Variants in SORL1 observed in about 807,000 individuals in gnomAD.
SORL1 encodes sortilin related receptor 1, also known as sortilin-related receptor.
In SORL1, 127 loss-of-function variants were observed where a neutral mutation model predicts 273.7. The observed-to-expected ratio is 0.46, with a 90% CI of 0.40 to 0.54. SORL1 has a LOEUF of 0.54. Ranked by LOEUF, SORL1 falls within the 20% of genes least tolerant of loss-of-function variation. SORL1 has a pLI of 0.00. For missense variants in SORL1, 2,494 were observed against 2,846.1 expected (o/e 0.88, Z 2.81); for synonymous variants, 1,031 against 1,067.4 (o/e 0.97, Z 0.66).
intron 41 of SORL1, among the ~76,000 whole-genome samples, chr11:121,617,523 G>A (rs1010383333): frequency 1.3e-5 from 2 of 150,802 alleles, no homozygotes; most frequent in Non-Finnish European, 2.9e-5. Flanking sequence ...CCTCACAGCT[G>A]CTGAGCAGTG....
chr11:121,576,605 A>G (rs943735085), intron 24 of SORL1, among the ~76,000 whole-genome samples: 4 of 152,234 alleles, frequency 2.6e-5, no homozygotes, highest in African/African-American at 9.6e-5. Flanking sequence ...AGCTCAGCCT[A>G]TAGCATTCTG....
At position 121,547,049 on chromosome 11, in the gene SORL1, T is replaced by C. The variant is rs186576657; in HGVS notation, c.2051+1620T>C. 2.0e-5 allele frequency: 3 copies of C among 152,320 alleles called. No individual in the cohort carries two copies. The East Asian group carries it at 5.8e-4, about 29-fold the overall frequency. The allele number at this position is 152,320 out of a possible 1,614,324, so 9.4% of individuals were successfully genotyped here. A position where few individuals can be genotyped will look rare whatever the true frequency, so the allele number is the denominator to read the frequency against. ...TCCCAAGGTAACGACACAGACTCTT[T>C]AACAGCAAAAGCACAGGGCTGGCTG... On this transcript the variant is annotated intron_variant, in intron 14 of 47. Transcript: ENST00000260197.
chr11:121,562,352 T>G (rs1030531703), intron 21 of SORL1, among the ~76,000 whole-genome samples: 4 of 152,272 alleles, frequency 2.6e-5, no homozygotes, highest in Non-Finnish European at 5.9e-5. Flanking sequence ...AGTAGTCTCC[T>G]GCTTATTTGC....
rs11826812 is a variant in SORL1, at chr11:121,542,508, A to G, written c.1686-1040A>G. Among the ~76,000 whole-genome samples the G allele has an allele frequency of 8.1e-3, 1,224 of 151,968 alleles. 14 individuals carry two copies. The highest frequency in any genetic ancestry group is 0.028 in the African/African-American group (1,170 of 41,432). On this transcript the variant is annotated intron_variant, in intron 12 of 47. Transcript: ENST00000260197. The stretch of plus-strand genomic sequence containing the variant: ...GAGCAGTTATCGTGTAGAATATCCC[A>G]CATTTTGGATTTGTCCAATTGTATA...
At chr11:121,463,875 G>A (rs1861040856) in intron 1 of SORL1, among the ~76,000 whole-genome samples, 1 of 152,202 alleles carries the variant, frequency 6.6e-6, no homozygotes, top group Non-Finnish European at 1.5e-5. Context: ...GGGACAGTGA[G>A]AGGCAATTTG....
intron 38 of SORL1, 49 bp downstream of exon 38, chr11:121,608,225 CT>C (rs1863507949): frequency 2.1e-6 from 3 of 1,444,756 alleles, no homozygotes; most frequent in African/African-American, 1.4e-5. Flanking sequence ...TATACAAACC[CT>C]TTCAAATGAC....
At chr11:121,545,452 G>A (rs1862411787) in intron 14 of SORL1, 23 bp downstream of exon 14, 2 of 1,611,170 alleles carry the variant, frequency 1.2e-6, no homozygotes, top group Non-Finnish European at 1.7e-6. Context: ...TTGATGGCTG[G>A]GGACTGAGTT....
At chr11:121,609,981 T>C (rs933487712) in intron 38 of SORL1, 1 of 152,230 alleles carries the variant, frequency 6.6e-6, no homozygotes. Flanking sequence ...GCACTCGCAC[T>C]GTTTTGCTCT....
rs1025596782 is a variant in SORL1, at chr11:121,596,583, G to A, written c.4519+811G>A. ...GACGGTTGGGTGCTGCTCTGGCTCG[G>A]GGATCCCTGCTTTGCGGGCCTCCCC... On this transcript the variant is annotated intron_variant, in intron 32 of 47. Coordinates refer to ENST00000260197, the MANE Select transcript of SORL1 (RefSeq NM_003105.6). The surrounding 1 kb of genome is among the most constrained non-coding windows in gnomAD (Gnocchi z 4.3). Among the ~76,000 whole-genome samples the A allele has an allele frequency of 7.2e-5, 11 of 152,162 alleles. No homozygotes were observed. Among genetic ancestry groups the A allele is most frequent in the African/African-American group, 2.2e-4 (9 of 41,430 alleles).
At chr11:121,463,994 G>C (rs1861043420) in intron 1 of SORL1, among the ~76,000 whole-genome samples, 1 of 152,198 alleles carries the variant, frequency 6.6e-6, no homozygotes, top group Admixed American at 6.5e-5. Flanking sequence ...TAGTTCAGGG[G>C]AGTGCCTGGC....
At chr11:121,610,839 A>C (rs1591352564) in intron 38 of SORL1, 1 of 412,590 alleles carries the variant, frequency 2.4e-6, no homozygotes, top group African/African-American at 2.1e-5. Flanking sequence ...TGCCTGACCT[A>C]ATTGCCAGGA....
chr11:121,497,186 A>G, intron 6 of SORL1, 137 bp downstream of exon 6: 1 of 714,458 alleles, frequency 1.4e-6, no homozygotes, highest in Non-Finnish European at 2.3e-6. Context: ...AAGGGATCTC[A>G]ACATTGACAA....
At chr11:121,489,959 T>G in intron 4 of SORL1, 84 bp from the exon 5 acceptor site, 1 of 973,332 alleles carries the variant, frequency 1.0e-6, no homozygotes, top group South Asian at 1.3e-5. Context: ...TCATGGAAGG[T>G]GGGATTTCAG....
rs777235095 is a variant in SORL1 at position 121,507,637 on chromosome 11, A to G, written c.940-5366A>G. ...TTTTAAAAAATATTTCTATTTCTTT[A>G]TTGATATTCTCTATTTGATGAGGCA... On this transcript the variant is annotated intron_variant, in intron 6 of 47. Coordinates refer to ENST00000260197, the MANE Select transcript of SORL1 (RefSeq NM_003105.6). Among the ~76,000 whole-genome samples the G allele has an allele frequency of 2.6e-5, 4 of 152,022 alleles. No individual in the cohort carries two copies. In the South Asian group the frequency reaches 8.3e-4, roughly 32 times the overall value.
intron 25 of SORL1, among the ~76,000 whole-genome samples, chr11:121,577,744 T>A (rs1343718393): frequency 6.6e-6 from 1 of 152,218 alleles, no homozygotes; most frequent in Admixed American, 6.5e-5. Context: ...CTAGCTCATG[T>A]TTTTTAAAAT....
At chr11:121,609,661 A>G (rs1195113026) in intron 38 of SORL1, 1 of 152,242 alleles carries the variant, frequency 6.6e-6, no homozygotes, top group Non-Finnish European at 1.5e-5. Flanking sequence ...AATATCTGTG[A>G]CATAGTATCA....
chr11:121,520,032 C>G (rs556025210), intron 8 of SORL1, among the ~76,000 whole-genome samples: 1 of 152,286 alleles, frequency 6.6e-6, no homozygotes, highest in East Asian at 1.9e-4. Flanking sequence ...AGGTGCATCA[C>G]TTGAGCTGAG....
rs778336021 is a variant in SORL1 at position 121,604,295 on chromosome 11, C to T, written c.4622C>T (p.Ser1541Leu). 36 of 1,612,006 alleles carry T rather than the reference C, an allele frequency of 2.2e-5. No individual in the cohort carries two copies. The highest frequency in any genetic ancestry group is 6.7e-5 in the East Asian group (3 of 44,756). ...SERCDGFLDC[S>L]DESDEKACSD... ...CGCTGCGACGGCTTCCTGGACTGCT[C>T]GGACGAGAGCGATGAAAAGGCCTGC... is the stretch of plus-strand genomic sequence containing the variant. The change falls in exon 33 of 48, where the codon TCG becomes TTG. Residue 1541 changes from serine (S) to leucine (L), a missense_variant. Around this residue, in one of 3 missense-constraint regions of SORL1, gnomAD observed 1,609 missense variants for 1,816.4 expected, o/e 0.89. Coordinates refer to ENST00000260197, the MANE Select transcript of SORL1 (RefSeq NM_003105.6).
At chr11:121,460,130 A>G (rs1458736111) in intron 1 of SORL1, among the ~76,000 whole-genome samples, 1 of 152,178 alleles carries the variant, frequency 6.6e-6, no homozygotes, top group African/African-American at 2.4e-5. Context: ...GTAGAGACCA[A>G]TATGTTGTTT....
Sources: allele counts gnomAD v4.1 joint callset (sites outside exome capture counted in the v4.1 genomes callset), GRCh38; gene constraint gnomAD v4.1.1; regional missense constraint gnomAD v4.1.1; non-coding constraint Gnocchi (gnomAD v3.1); transcripts MANE v1.5; gene names NCBI Gene and HGNC (gene_info 2026-07-23, HGNC 2026-07-21).